The following ERBB4 variants were observed in gnomAD, a reference collection of about 807,000 sequenced individuals.
ERBB4 encodes receptor tyrosine-protein kinase erbB-4.
Under a neutral mutation model 158.0 loss-of-function variants are expected in ERBB4, and 42 were observed. The ratio of observed to expected loss-of-function variants is 0.27; its 90% confidence interval spans 0.21 to 0.34. The LOEUF (loss-of-function observed/expected upper bound fraction) is 0.34, where lower values mean the gene tolerates loss of function less well. ERBB4 is among the 10% of genes least tolerant of loss of function. The pLI, the probability that ERBB4 is intolerant of heterozygous loss-of-function variation, is 1.00. For synonymous variants in ERBB4, 583 were observed against 558.7 expected (o/e 1.04, Z -0.61); for missense variants, 1,333 against 1,624.1 (o/e 0.82, Z 3.08).
chr2:212,047,924 A>G (rs972066735), intron 2 of ERBB4, among the ~76,000 whole-genome samples: 1 of 152,190 alleles, frequency 6.6e-6, no homozygotes, highest in Non-Finnish European at 1.5e-5. Context: ...GCACATTGTG[A>G]TAGGTTCTAT....
At chr2:212,343,578 T>C (rs895431843) in intron 1 of ERBB4, among the ~76,000 whole-genome samples, 23 of 152,164 alleles carry the variant, frequency 1.5e-4, no homozygotes, top group African/African-American at 5.5e-4. Flanking sequence ...GATTCTGACT[T>C]GAATAAGTAA....
At chr2:212,133,462 C>T (rs1457295514) in intron 1 of ERBB4, among the ~76,000 whole-genome samples, 1 of 146,876 alleles carries the variant, frequency 6.8e-6, no homozygotes, top group Non-Finnish European at 1.5e-5. Flanking sequence ...TATACATCTG[C>T]AAGTTTACCT....
intron 1 of ERBB4, among the ~76,000 whole-genome samples, chr2:212,342,306 G>T (rs1239850990): frequency 1.3e-5 from 2 of 152,132 alleles, no homozygotes; most frequent in African/African-American, 4.8e-5. Flanking sequence ...GGAGGGACCT[G>T]GTGGGAGATA....
chr2:212,300,860 T>C (rs1324436095), intron 1 of ERBB4, among the ~76,000 whole-genome samples: 1 of 151,496 alleles, frequency 6.6e-6, no homozygotes, highest in Non-Finnish European at 1.5e-5. Context: ...TCAGACATTA[T>C]AAAGATAAAT....
intron 20 of ERBB4, among the ~76,000 whole-genome samples, chr2:211,515,496 G>A (rs1210656343): frequency 1.3e-5 from 2 of 152,152 alleles, no homozygotes; most frequent in African/African-American, 4.8e-5. Flanking sequence ...TGTCAGTTGA[G>A]TAGACTGCAT....
intron 3 of ERBB4, 131 bp from the exon 4 acceptor site, chr2:211,788,290 CT>C (rs2076213551): frequency 1.5e-6 from 1 of 673,320 alleles, no homozygotes; most frequent in Non-Finnish European, 2.6e-6. Context: ...GCCAAGATAT[CT>C]TTTAAAATAT....
rs766316724 is a variant in ERBB4 at position 212,322,214 on chromosome 2, C to T, written c.83-197311G>A. ...AAGAGTGAACTGGCTTAGGAGAAGA[C>T]AGAATTGGCCTGGGTTCTAGACATG... On this transcript the variant is annotated intron_variant, in intron 1 of 27. Coordinates refer to ENST00000342788, the MANE Select transcript of ERBB4 (RefSeq NM_005235.3). Among the ~76,000 whole-genome samples the T allele has an allele frequency of 4.7e-5, 7 of 150,432 alleles. 1 individual carries two copies. The highest frequency in any genetic ancestry group is 6.0e-5 in the Non-Finnish European group (4 of 67,030).
At chr2:212,099,505 C>T (rs1254056375) in intron 2 of ERBB4, among the ~76,000 whole-genome samples, 4 of 152,072 alleles carry the variant, frequency 2.6e-5, no homozygotes, top group Non-Finnish European at 5.9e-5. Context: ...TATGTCTTTC[C>T]ACAGTTTTAC....
intron 4 of ERBB4, among the ~76,000 whole-genome samples, chr2:211,783,964 C>T (rs2076097234): frequency 6.6e-6 from 1 of 152,094 alleles, no homozygotes; most frequent in Non-Finnish European, 1.5e-5. Flanking sequence ...CTCCTTGTAC[C>T]TCTGGTAGAA....
intron 20 of ERBB4, among the ~76,000 whole-genome samples, chr2:211,536,511 G>GC (rs1410104585): frequency 6.6e-6 from 1 of 152,006 alleles, no homozygotes; most frequent in Non-Finnish European, 1.5e-5. Context: ...CACTCTCCAG[G>GC]CCCTGGAGTC....
chr2:211,562,140 T>C, intron 19 of ERBB4, 52 bp from the exon 20 acceptor site: 1 of 1,508,580 alleles, frequency 6.6e-7, no homozygotes, highest in Non-Finnish European at 9.1e-7. Context: ...TTCTTAGATT[T>C]AGAGTTACTT....
intron 19 of ERBB4, among the ~76,000 whole-genome samples, chr2:211,610,573 TTTCCTAAGTCATCATAAGTA>T (rs1373472205): frequency 1.1e-4 from 17 of 152,164 alleles, no homozygotes; most frequent in Non-Finnish European, 2.5e-4. Context: ...AGTGGGGATT[TTTCCTAAGTCATCATAAGTA>T]TCGGTTGCTG....
At chr2:211,961,479 T>G (rs75641218) in intron 2 of ERBB4, among the ~76,000 whole-genome samples, 3,808 of 152,278 alleles carry the variant, frequency 0.025, 72 homozygotes, top group South Asian at 0.055. Context: ...CATGTAAACA[T>G]GAAGCTCATG....
intron 2 of ERBB4, among the ~76,000 whole-genome samples, chr2:211,950,647 G>T (rs1176435954): frequency 6.6e-6 from 1 of 152,072 alleles, no homozygotes; most frequent in East Asian, 1.9e-4. Flanking sequence ...AGCAAAAGTG[G>T]AGAGGAATAG....
chr2:211,879,040 C>A (rs2078592253), intron 3 of ERBB4, among the ~76,000 whole-genome samples: 2 of 152,052 alleles, frequency 1.3e-5, no homozygotes, highest in Non-Finnish European at 2.9e-5. Context: ...ATGAAAGGCA[C>A]ACAGACATTA....
rs2071533031 is a variant in ERBB4 at position 211,664,201 on chromosome 2, G to T, written c.1871+1122C>A. Among the ~76,000 whole-genome samples the T allele has an allele frequency of 2.6e-5, 4 of 152,142 alleles. No individual in the cohort carries two copies. The South Asian group carries it at 8.3e-4, about 31-fold the overall frequency. On this transcript the variant is annotated intron_variant, in intron 15 of 27. Coordinates refer to ENST00000342788, the MANE Select transcript of ERBB4 (RefSeq NM_005235.3). Reference sequence around the variant, plus strand: ...AATTGATGTTTTCTTGGCAGGAAATGATGTCGCTTGCTTAATTTCTTCAGT... The same window carrying T: ...AATTGATGTTTTCTTGGCAGGAAATTATGTCGCTTGCTTAATTTCTTCAGT...
chr2:211,391,114 CT>C (rs2125328929), intron 25 of ERBB4, among the ~76,000 whole-genome samples: 2 of 152,238 alleles, frequency 1.3e-5, no homozygotes, highest in African/African-American at 4.8e-5. Flanking sequence ...TTGAAAATAA[CT>C]TTTTGTACTT....
At chr2:211,864,475 T>C (rs2078153031) in intron 3 of ERBB4, among the ~76,000 whole-genome samples, 1 of 152,194 alleles carries the variant, frequency 6.6e-6, no homozygotes, top group Non-Finnish European at 1.5e-5. Flanking sequence ...CAAGAAAGTC[T>C]GTAAACTGCC....
intron 3 of ERBB4, among the ~76,000 whole-genome samples, chr2:211,803,564 C>T (rs1197769184): frequency 2.6e-5 from 4 of 152,098 alleles, no homozygotes; most frequent in Non-Finnish European, 4.4e-5. Context: ...ACTGCTCAGC[C>T]CCAGAAGATG....
Sources: allele counts gnomAD v4.1 joint callset (sites outside exome capture counted in the v4.1 genomes callset), GRCh38; gene constraint gnomAD v4.1.1; transcripts MANE v1.5; gene names NCBI Gene and HGNC (gene_info 2026-07-23, HGNC 2026-07-21).